The following ZNF407 variants were observed in gnomAD, a reference collection of about 807,000 sequenced individuals.
ZNF407 encodes zinc finger protein 407.
In ZNF407, 17 loss-of-function variants were observed where a neutral mutation model predicts 131.2. The observed-to-expected ratio is 0.13, with a 90% confidence interval of 0.09 to 0.19. The LOEUF is 0.19. Ranked by LOEUF, ZNF407 falls within the 10% of genes least tolerant of loss-of-function variation. ZNF407 has a pLI of 1.00. For missense variants in ZNF407, 2,681 were observed against 2,830.6 expected, an observed-to-expected ratio of 0.95 and a Z score of 1.20; for synonymous variants, 1,156 against 1,062.0, an observed-to-expected ratio of 1.09 and a Z score of -1.72.
At chr18:74,964,965 C>T (rs1411204289) in intron 8 of ZNF407, among the ~76,000 whole-genome samples, 1 of 152,142 alleles carries the variant, frequency 6.6e-6, no homozygotes, top group African/African-American at 2.4e-5. Flanking sequence ...ATATGATTGC[C>T]TTAGCAGTAG....
intron 3 of ZNF407, among the ~76,000 whole-genome samples, chr18:74,717,949 T>C (rs1020886960): frequency 5.3e-5 from 8 of 152,214 alleles, no homozygotes; most frequent in Non-Finnish European, 7.4e-5. Flanking sequence ...ATTTGCAAAT[T>C]TTTTCTCATC....
chr18:74,903,363 A>T (rs757729817), intron 7 of ZNF407, among the ~76,000 whole-genome samples: 1 of 152,092 alleles, frequency 6.6e-6, no homozygotes, highest in Non-Finnish European at 1.5e-5. Flanking sequence ...GTCAAGTAAT[A>T]TTTTTTTCTA....
chr18:74,944,480 C>T (rs1439249053), intron 8 of ZNF407, among the ~76,000 whole-genome samples: 1 of 152,112 alleles, frequency 6.6e-6, no homozygotes, highest in East Asian at 1.9e-4. Flanking sequence ...AGATTTTATT[C>T]TAACCTATGC....
At position 74,875,110 on chromosome 18, in the gene ZNF407, G is replaced by A. The variant is rs958384171; in HGVS notation, c.4878-2087G>A. Among the ~76,000 whole-genome samples the A allele has an allele frequency of 4.6e-5, 7 of 152,202 alleles. No individual in the cohort carries two copies. In the East Asian group the frequency reaches 1.3e-3, roughly 29 times the overall value. On this transcript the variant is annotated intron_variant, in intron 4 of 8. Transcript: ENST00000299687. The stretch of plus-strand genomic sequence containing the variant: ...AATATTTTAGAATATTTGAGACTCA[G>A]AATTTGTGTAGTTCCAGAGAACACC...
At position 74,744,439 on chromosome 18, in the gene ZNF407, T is replaced by C. The variant is rs568495923; in HGVS notation, c.4803-36989T>C. ...TAGTCAATAGCTAATTTGGATAGTT[T>C]TTCATTTTTATTTTTAAAGCAACAT... is the stretch of plus-strand genomic sequence containing the variant. On this transcript the variant is annotated intron_variant, in intron 3 of 8. Transcript: ENST00000299687. Among the ~76,000 whole-genome samples the C allele has an allele frequency of 2.3e-3, 356 of 152,280 alleles. 1 individual carries two copies. Among genetic ancestry groups the C allele is most frequent in the Non-Finnish European group, 3.4e-3 (231 of 68,020 alleles).
chr18:74,885,907 A>G (rs1016634791), intron 6 of ZNF407, among the ~76,000 whole-genome samples: 7 of 152,356 alleles, frequency 4.6e-5, no homozygotes, highest in African/African-American at 1.4e-4. Flanking sequence ...TGGATTATCA[A>G]TGATTTCTTT....
intron 8 of ZNF407, among the ~76,000 whole-genome samples, chr18:74,965,060 G>A (rs919963905): frequency 4.6e-5 from 7 of 152,270 alleles, no homozygotes; most frequent in Non-Finnish European, 7.4e-5. Context: ...CATAGTAGGT[G>A]TATGTATTTA....
chr18:74,681,811 A>C (rs2144778858), intron 3 of ZNF407, among the ~76,000 whole-genome samples: 1 of 152,254 alleles, frequency 6.6e-6, no homozygotes, highest in East Asian at 1.9e-4. Flanking sequence ...CCATTTTGTA[A>C]AGTTGCTTTT....
chr18:74,971,012 G>A (rs527379142), intron 8 of ZNF407, among the ~76,000 whole-genome samples: 7 of 152,326 alleles, frequency 4.6e-5, no homozygotes, highest in East Asian at 3.9e-4. Flanking sequence ...TCAACACCAC[G>A]TGGAAGCTGC....
At chr18:74,840,701 A>G (rs964876298) in intron 4 of ZNF407, among the ~76,000 whole-genome samples, 3 of 152,138 alleles carry the variant, frequency 2.0e-5, no homozygotes, top group Non-Finnish European at 4.4e-5. Flanking sequence ...GTCCCAGCTG[A>G]TGAGATCACC....
At chr18:74,773,197 G>A (rs1044488201) in intron 3 of ZNF407, among the ~76,000 whole-genome samples, 2 of 152,138 alleles carry the variant, frequency 1.3e-5, no homozygotes, top group Non-Finnish European at 2.9e-5. Context: ...CACCCTTAGA[G>A]GATAAGATGA....
chr18:74,627,257 T>C (rs1489315889), intron 1 of ZNF407, among the ~76,000 whole-genome samples: 3 of 152,214 alleles, frequency 2.0e-5, no homozygotes, highest in Admixed American at 6.5e-5. Flanking sequence ...AGCAATGTAT[T>C]GTCTCGATGT....
At chr18:74,779,602 T>C (rs935396180) in intron 3 of ZNF407, among the ~76,000 whole-genome samples, 4 of 152,200 alleles carry the variant, frequency 2.6e-5, no homozygotes, top group Non-Finnish European at 2.9e-5. Flanking sequence ...TAATAAAAAT[T>C]ATTATTTCAC....
chr18:74,729,528 G>A (rs750366814), intron 3 of ZNF407, among the ~76,000 whole-genome samples: 4 of 151,854 alleles, frequency 2.6e-5, no homozygotes, highest in Non-Finnish European at 4.4e-5. Context: ...TTGCATGTTC[G>A]TTGGTTCCCT....
chr18:74,775,821 A>C (rs1209356361), intron 3 of ZNF407, among the ~76,000 whole-genome samples: 2 of 152,148 alleles, frequency 1.3e-5, no homozygotes, highest in Non-Finnish European at 2.9e-5. Flanking sequence ...TCATGGCAGA[A>C]AGTTAAAGTG....
chr18:74,858,736 T>C (rs748651921), intron 4 of ZNF407, among the ~76,000 whole-genome samples: 7 of 152,174 alleles, frequency 4.6e-5, no homozygotes, highest in Non-Finnish European at 8.8e-5. Context: ...CTTAAACATA[T>C]AGCAATAAAT....
chr18:74,913,382 A>G (rs115251376), intron 7 of ZNF407, among the ~76,000 whole-genome samples: 1 of 152,106 alleles, frequency 6.6e-6, no homozygotes, highest in Non-Finnish European at 1.5e-5. Flanking sequence ...TAAAAAGGAG[A>G]AAAGAAGGTA....
intron 2 of ZNF407, among the ~76,000 whole-genome samples, chr18:74,640,568 A>C (rs372993768): frequency 2.6e-5 from 4 of 152,332 alleles, no homozygotes; most frequent in South Asian, 2.1e-4. Flanking sequence ...ATGAGGAAAC[A>C]AGGAGGTGGC....
intron 4 of ZNF407, among the ~76,000 whole-genome samples, chr18:74,783,137 T>C (rs1376729591): frequency 6.6e-6 from 1 of 152,198 alleles, no homozygotes; most frequent in Non-Finnish European, 1.5e-5. Context: ...ATTATCTCAG[T>C]CCTTCTTTGA....
Sources: allele counts gnomAD v4.1 joint callset (sites outside exome capture counted in the v4.1 genomes callset), GRCh38; gene constraint gnomAD v4.1.1; transcripts MANE v1.5; gene names NCBI Gene and HGNC (gene_info 2026-07-23, HGNC 2026-07-21).